Variants in NIBAN3 observed in about 807,000 individuals in gnomAD.
NIBAN3 encodes the protein protein Niban 3.
NIBAN3 carries 66 observed loss-of-function variants against 76.4 expected under a neutral mutation model. The observed-to-expected ratio is 0.86, with a 90% confidence interval of 0.71 to 1.06. The LOEUF (loss-of-function observed/expected upper bound fraction) is 1.06, where lower values mean the gene tolerates loss of function less well. Among genes scored for constraint, NIBAN3 ranks in the 50% least tolerant of loss-of-function variants. The pLI is 0.00. For synonymous variants in NIBAN3, 360 were observed against 355.2 expected, an observed-to-expected ratio of 1.01 and a Z score of -0.15; for missense variants, 808 against 810.7, an observed-to-expected ratio of 1.00 and a Z score of 0.04.
At position 17,539,368 on chromosome 19, in the gene NIBAN3, C is replaced by T; in HGVS notation, c.733C>T (p.Arg245Trp). 6.5e-7 allele frequency: 1 copy of T among 1,543,528 alleles called. No homozygotes were observed. ...GCAGGTGCTGACCGCGGTGCTGATG[C>T]GGGAGCAACTTCCCGCGCTGCGAGC... Reference protein sequence around the residue: ...DAEVLTAVLMREQLPALRAQT... With the variant: ...DAEVLTAVLMWEQLPALRAQT... Residue 245 changes from arginine (R) to tryptophan (W), a missense_variant, in exon 7 of 15, where the codon CGG (arginine) becomes TGG (tryptophan). Arg to Trp is a moderately radical substitution (Grantham distance 101). Transcript: ENST00000599164.
At chr19:17,538,029 A>G (rs1040179519) in intron 5 of NIBAN3, among the ~76,000 whole-genome samples, 8 of 152,052 alleles carry the variant, frequency 5.3e-5, no homozygotes, top group African/African-American at 1.9e-4. Context: ...CTAGGGCTGT[A>G]ACAGAGACAC....
chr19:17,546,014 A>T (rs904715601), intron 12 of NIBAN3: 1 of 428,134 alleles, frequency 2.3e-6, no homozygotes, highest in Non-Finnish European at 4.7e-6. Context: ...GGCAACAGGC[A>T]TCTTCCCAGA....
At chr19:17,526,480 AC>A (rs959120585), upstream of NIBAN3, among the ~76,000 whole-genome samples, 1 of 151,402 alleles carries the variant, frequency 6.6e-6, no homozygotes, top group Non-Finnish European at 1.5e-5. Flanking sequence ...CCCCGTGTCT[AC>A]AAAAAATACA....
rs574478139 is a variant in NIBAN3, at chr19:17,542,368, C to T, written c.1329+74C>T. 2.3e-5 allele frequency: 34 copies of T among 1,457,562 alleles called. 1 individual carries two copies. In the Admixed American group the frequency reaches 5.5e-4, roughly 24 times the overall value. The allele number at this position is 1,457,562 out of a possible 1,614,324, so 90.3% of individuals were successfully genotyped here. The stretch of plus-strand genomic sequence containing the variant: ...CCACTGACCTCCTGCTAAGTGTGCC[C>T]TGGAGAGACCACGATGATCGAGACA... On this transcript the variant is annotated intron_variant, in intron 10 of 14. Transcript: ENST00000599164. The surrounding 1 kb of genome is among the most constrained non-coding windows in gnomAD (Gnocchi z 4.8).
downstream of NIBAN3, chr19:17,553,848 A>G (rs901008169): frequency 3.6e-6 from 1 of 274,908 alleles, no homozygotes. Context: ...CATCAAGTCC[A>G]CAGAGTGTAA....
chr19:17,525,072 G>A (rs939354398), upstream of NIBAN3, among the ~76,000 whole-genome samples: 4 of 152,180 alleles, frequency 2.6e-5, no homozygotes, highest in African/African-American at 9.7e-5. Flanking sequence ...TGACCTGCCC[G>A]CCTGCCTCAG....
chr19:17,533,582 T>C lies in NIBAN3; in HGVS notation c.313-5T>C, dbSNP rs1209335751. The C allele has an allele frequency of 4.3e-6, 7 of 1,610,458 alleles. No individual in the cohort carries two copies. The highest frequency in any genetic ancestry group is 5.9e-6 in the Non-Finnish European group (7 of 1,176,688). On this transcript the variant is annotated splice_polypyrimidine_tract_variant and splice_region_variant and intron_variant, in intron 3 of 14. Transcript: ENST00000599164. ...CCAGGTTGGTTCTCTGGGTACCTTT[T>C]GTAGGAATATGAAAACGGGGGCCAC...
intron 12 of NIBAN3, 72 bp from the exon 13 acceptor site, chr19:17,546,614 C>T (rs2076059424): frequency 1.6e-5 from 23 of 1,408,568 alleles, no homozygotes; most frequent in Non-Finnish European, 2.1e-5. Flanking sequence ...AGGGCTAGGG[C>T]AGAAGCCTGT....
At chr19:17,541,910 C>A in intron 9 of NIBAN3, among the ~76,000 whole-genome samples, 1 of 151,986 alleles carries the variant, frequency 6.6e-6, no homozygotes, top group East Asian at 1.9e-4. Context: ...TATCGAACTC[C>A]TCACCTCAAG....
At chr19:17,535,487 C>CG (rs1451350683) in intron 4 of NIBAN3, among the ~76,000 whole-genome samples, 11 of 151,962 alleles carry the variant, frequency 7.2e-5, no homozygotes, top group Non-Finnish European at 5.9e-5. Flanking sequence ...AACCTGGGTG[C>CG]GGTGGCTCAT....
intron 2 of NIBAN3, 72 bp from the exon 3 acceptor site, chr19:17,532,191 G>A: frequency 1.3e-6 from 2 of 1,533,430 alleles, no homozygotes; most frequent in Non-Finnish European, 1.8e-6. Flanking sequence ...GATACAGCGG[G>A]TGTCTGGGTG....
At chr19:17,530,693 C>T in intron 1 of NIBAN3, 62 bp from the exon 2 acceptor site, 6 of 1,519,350 alleles carry the variant, frequency 3.9e-6, no homozygotes, top group Non-Finnish European at 5.3e-6. Context: ...GTTTTGCCCT[C>T]CCCAAGCAGG....
chr19:17,532,539 T>C, intron 3 of NIBAN3, 151 bp downstream of exon 3: 2 of 1,284,704 alleles, frequency 1.6e-6, no homozygotes, highest in Non-Finnish European at 2.2e-6. Flanking sequence ...TGGCCTGTTG[T>C]AGGCAACCAT....
intron 2 of NIBAN3, among the ~76,000 whole-genome samples, chr19:17,531,326 A>AACACACAC (rs35489460): frequency 2.8e-4 from 36 of 129,100 alleles, no homozygotes; most frequent in Admixed American, 1.2e-3. Context: ...GACTCTGTCA[A>AACACACAC]ACACACACAC....
chr19:17,538,970 G>A (rs1271649382), intron 5 of NIBAN3, among the ~76,000 whole-genome samples, 180 bp from the exon 6 acceptor site: 1 of 152,240 alleles, frequency 6.6e-6, no homozygotes, highest in African/African-American at 2.4e-5. Flanking sequence ...CTTCTAAGTT[G>A]AATAAACATG....
chr19:17,551,205 C>T (rs1031214252), intron 14 of NIBAN3, among the ~76,000 whole-genome samples: 3 of 151,866 alleles, frequency 2.0e-5, no homozygotes, highest in Admixed American at 1.3e-4. Context: ...AAGCAATTCT[C>T]CTGCCTCAGC....
chr19:17,533,655 G>C lies in NIBAN3; in HGVS notation c.381G>C (p.Gln127His). The change falls in exon 4 of 15, where the codon CAG becomes CAC. Residue 127 changes from glutamine to histidine, a missense_variant. Physicochemically the swap from Gln to His is conservative, Grantham distance 24. Coordinates refer to ENST00000599164, the MANE Select transcript of NIBAN3 (RefSeq NM_001321827.2). Reference protein sequence around the residue: ...ALTGYTLLTSQREYLRLLDAL... With the variant: ...ALTGYTLLTSHREYLRLLDAL... The stretch of plus-strand genomic sequence containing the variant: ...CAGGATACACGCTCCTGACTTCCCA[G>C]CGAGAATATCTCCGCCTTTTGGATG... The C allele has an allele frequency of 6.2e-7, 1 of 1,614,112 alleles. No homozygotes were observed.
intron 2 of NIBAN3, 145 bp from the exon 3 acceptor site, chr19:17,532,118 C>G (rs1020681270): frequency 8.8e-7 from 1 of 1,135,326 alleles, no homozygotes; most frequent in South Asian, 1.7e-5. Context: ...ACACAGAGCC[C>G]CTTCCTGCCT....
At chr19:17,539,491 C>G (rs1262263201) in intron 7 of NIBAN3, 40 bp downstream of exon 7, 1 of 1,455,080 alleles carries the variant, frequency 6.9e-7, no homozygotes, top group African/African-American at 1.4e-5. Flanking sequence ...GGGCGGGATG[C>G]GGGCGTTCGG....
Sources: gnomAD v4.1 joint callset for allele counts (sites outside exome capture counted in the v4.1 genomes callset) on GRCh38, gnomAD v4.1.1 for gene constraint, Gnocchi (gnomAD v3.1) non-coding constraint, MANE v1.5 for transcripts, NCBI Gene and HGNC (gene_info 2026-07-23, HGNC 2026-07-21) for gene names.